GALNTL6: variants seen among roughly 807,000 people sequenced by gnomAD.
GALNTL6 encodes the protein polypeptide N-acetylgalactosaminyltransferase like 6, also known as polypeptide N-acetylgalactosaminyltransferase-like 6.
Under a neutral mutation model 73.7 loss-of-function variants are expected in GALNTL6, and 46 were observed. That is an observed-to-expected ratio of 0.62 (90% CI 0.49 to 0.80). The LOEUF (loss-of-function observed/expected upper bound fraction) is 0.80, where lower values mean the gene tolerates loss of function less well. Ranked by LOEUF, GALNTL6 falls within the 30% of genes least tolerant of loss-of-function variation. The pLI, the probability that GALNTL6 is intolerant of heterozygous loss-of-function variation, is 0.00. For synonymous variants in GALNTL6, 259 were observed against 263.7 expected, an observed-to-expected ratio of 0.98 and a Z score of 0.17; for missense variants, 604 against 755.0, an observed-to-expected ratio of 0.80 and a Z score of 2.34.
At chr4:172,901,476 G>GGTCTGGAAAACAC (rs1225069465) in intron 8 of GALNTL6, among the ~76,000 whole-genome samples, 2 of 152,054 alleles carry the variant, frequency 1.3e-5, no homozygotes. Context: ...CAGCATTTAA[G>GGTCTGGAAAACAC]GTCTGGAAAA....
At chr4:172,202,632 TGAA>T (rs1735990683) in intron 2 of GALNTL6, among the ~76,000 whole-genome samples, 2 of 152,160 alleles carry the variant, frequency 1.3e-5, no homozygotes, top group Non-Finnish European at 2.9e-5. Context: ...AATGTACTTG[TGAA>T]ATCAGTGTGG....
At chr4:172,934,130 T>C (rs1748490560) in intron 9 of GALNTL6, among the ~76,000 whole-genome samples, 1 of 152,344 alleles carries the variant, frequency 6.6e-6, no homozygotes, top group Non-Finnish European at 1.5e-5. Context: ...ACAAGGCAAG[T>C]AACTGCTTAA....
chr4:172,982,424 T>A (rs1751107684), intron 10 of GALNTL6, among the ~76,000 whole-genome samples: 1 of 152,246 alleles, frequency 6.6e-6, no homozygotes, highest in Middle Eastern at 3.2e-3. Flanking sequence ...TTTATTTGTG[T>A]GAGTCAGCTT....
At chr4:172,990,473 T>C (rs1369244952) in intron 10 of GALNTL6, among the ~76,000 whole-genome samples, 1 of 152,194 alleles carries the variant, frequency 6.6e-6, no homozygotes, top group Admixed American at 6.5e-5. Context: ...TTGGGTCTTC[T>C]GTTAGTTCAG....
chr4:172,137,127 G>T (rs1246342064), intron 2 of GALNTL6, among the ~76,000 whole-genome samples: 1 of 151,982 alleles, frequency 6.6e-6, no homozygotes, highest in Non-Finnish European at 1.5e-5. Flanking sequence ...AAATGAATTT[G>T]GGAGTAATAA....
At chr4:172,965,722 G>A (rs1333814401) in intron 10 of GALNTL6, among the ~76,000 whole-genome samples, 1 of 151,760 alleles carries the variant, frequency 6.6e-6, no homozygotes, top group Non-Finnish European at 1.5e-5. Context: ...AGAATTAGAG[G>A]TGCTTCCGAG....
chr4:172,222,339 A>G (rs1274126571), intron 2 of GALNTL6, among the ~76,000 whole-genome samples: 2 of 5,998 alleles, frequency 3.3e-4, no homozygotes, highest in Non-Finnish European at 6.2e-4. Flanking sequence ...TCACATTAAT[A>G]TAGTTATTTA....
rs554724861 is a variant in GALNTL6 at position 172,370,470 on chromosome 4, C to CA, written c.553+21787dup. On this transcript the variant is annotated intron_variant, in intron 5 of 12. Coordinates refer to ENST00000506823, the MANE Select transcript of GALNTL6 (RefSeq NM_001034845.3). ...GAAACCCCATCTCTACTAAAAATAC[C>CA]AAAAAATTAGCCAGGCTAATTTTGG... Among the ~76,000 whole-genome samples the CA allele has an allele frequency of 3.3e-3, 493 of 151,086 alleles. 2 individuals are homozygous for CA. Among genetic ancestry groups the CA allele is most frequent in the Non-Finnish European group, 5.3e-3 (362 of 67,734 alleles).
intron 7 of GALNTL6, among the ~76,000 whole-genome samples, chr4:172,863,459 G>C (rs921218642): frequency 2.0e-5 from 3 of 152,302 alleles, no homozygotes; most frequent in East Asian, 3.9e-4. Context: ...CTGGGAGTGA[G>C]ACATGGAGTC....
intron 2 of GALNTL6, chr4:171,815,276 A>C (rs1166279567): frequency 6.5e-6 from 1 of 154,486 alleles, no homozygotes; most frequent in Non-Finnish European, 1.4e-5. Context: ...GCCATGGGGC[A>C]CACAGGCAGA....
chr4:172,376,111 A>C (rs780495361), intron 5 of GALNTL6, among the ~76,000 whole-genome samples: 32 of 152,178 alleles, frequency 2.1e-4, no homozygotes, highest in Non-Finnish European at 4.0e-4. Flanking sequence ...GCTTTGGGCA[A>C]AAATTGTGTC....
intron 3 of GALNTL6, among the ~76,000 whole-genome samples, chr4:172,267,832 C>T (rs745769276): frequency 6.6e-6 from 1 of 152,028 alleles, no homozygotes; most frequent in Non-Finnish European, 1.5e-5. Context: ...AAAACTACAT[C>T]TAAACATTAG....
intron 2 of GALNTL6, chr4:171,815,847 G>C (rs535832267): frequency 2.0e-5 from 3 of 152,186 alleles, no homozygotes; most frequent in Admixed American, 1.3e-4. Context: ...GAGGTAATCT[G>C]CTTTTTCATT....
chr4:172,596,422 GC>G, intron 5 of GALNTL6, among the ~76,000 whole-genome samples: 1 of 148,186 alleles, frequency 6.7e-6, no homozygotes, highest in Non-Finnish European at 1.5e-5. Context: ...TCCTGCCTGG[GC>G]AACAGAGGGA....
intron 5 of GALNTL6, among the ~76,000 whole-genome samples, chr4:172,431,472 C>T (rs1330189565): frequency 6.6e-6 from 1 of 152,088 alleles, no homozygotes; most frequent in Non-Finnish European, 1.5e-5. Flanking sequence ...AAAACTATGT[C>T]AGCATATAAA....
rs979510596 is a variant in GALNTL6, at chr4:172,695,883, G to T, written c.554-113478G>T. On this transcript the variant is annotated intron_variant, in intron 5 of 12. Transcript: ENST00000506823. ...CAGGAGAATGGCATGAACCCAGGAG[G>T]TGGAGCTTGCAGTGAGCTGAAATGG... 2.0e-5 allele frequency among the ~76,000 whole-genome samples: 3 copies of T among 152,000 alleles called. No individual in the cohort carries two copies. In the East Asian group the frequency reaches 5.8e-4, roughly 29 times the overall value.
At chr4:172,051,391 A>T (rs1730858735) in intron 2 of GALNTL6, among the ~76,000 whole-genome samples, 1 of 152,164 alleles carries the variant, frequency 6.6e-6, no homozygotes, top group Admixed American at 6.6e-5. Context: ...TCTGGAATCC[A>T]GGAAGAATCA....
intron 2 of GALNTL6, among the ~76,000 whole-genome samples, chr4:172,021,479 G>T (rs1741400154): frequency 6.6e-6 from 1 of 152,054 alleles, no homozygotes; most frequent in South Asian, 2.1e-4. Flanking sequence ...CATGTCCATT[G>T]TTTGGAAGAA....
rs1330948150 is a variant in GALNTL6 at position 172,215,141 on chromosome 4, C to T, written c.139-14515C>T. 2.0e-5 allele frequency among the ~76,000 whole-genome samples: 3 copies of T among 151,898 alleles called. 1 individual carries two copies. The South Asian group carries it at 6.2e-4, about 31-fold the overall frequency. On this transcript the variant is annotated intron_variant, in intron 2 of 12. Transcript: ENST00000506823. ...CCCGAGAAAATTATTTGTATGATTTCTATTCTTTTTAAATTTGGTGTGTTT... is the reference window on the plus strand; with the variant it reads ...CCCGAGAAAATTATTTGTATGATTTTTATTCTTTTTAAATTTGGTGTGTTT...
Sources: allele counts gnomAD v4.1 joint callset (sites outside exome capture counted in the v4.1 genomes callset), GRCh38; gene constraint gnomAD v4.1.1; transcripts MANE v1.5; gene names NCBI Gene and HGNC (gene_info 2026-07-23, HGNC 2026-07-21).